NIBAN1: variants seen among roughly 807,000 people sequenced by gnomAD.
NIBAN1 encodes protein Niban 1.
In NIBAN1, 81 loss-of-function variants were observed where a neutral mutation model predicts 75.1. The observed-to-expected ratio is 1.08, with a 90% confidence interval of 0.90 to 1.30. The LOEUF (loss-of-function observed/expected upper bound fraction) is 1.30. NIBAN1 is among the 50% of genes most tolerant of loss of function. NIBAN1 has a pLI of 0.00. For synonymous variants in NIBAN1, 436 were observed against 424.8 expected (o/e 1.03, Z -0.32); for missense variants, 1,133 against 1,128.1 (o/e 1.00, Z -0.06).
intron 1 of NIBAN1, among the ~76,000 whole-genome samples, chr1:184,913,137 G>GTATATATATATATATGA (rs1553227231): frequency 1.3e-4 from 14 of 109,744 alleles, no homozygotes; most frequent in South Asian, 3.1e-4. Context: ...TATCATGCAG[G>GTATATATATATATATGA]TATATATATA....
intron 8 of NIBAN1, among the ~76,000 whole-genome samples, chr1:184,819,467 G>A (rs1654632186): frequency 6.6e-6 from 1 of 152,166 alleles, no homozygotes; most frequent in South Asian, 2.1e-4. Context: ...ATGAAAAAAT[G>A]CCACTATAAT....
chr1:184,872,565 G>A (rs1656139226), intron 5 of NIBAN1, among the ~76,000 whole-genome samples: 1 of 152,078 alleles, frequency 6.6e-6, no homozygotes, highest in Admixed American at 6.5e-5. Context: ...AAATTAGCTG[G>A]GCATGGTGGT....
intron 1 of NIBAN1, among the ~76,000 whole-genome samples, chr1:184,931,772 C>A (rs1657831264): frequency 6.6e-6 from 1 of 152,148 alleles, no homozygotes; most frequent in East Asian, 1.9e-4. Context: ...AGAAGAAAGG[C>A]AGGAAATGTC....
chr1:184,885,968 C>T (rs140428193), intron 4 of NIBAN1, among the ~76,000 whole-genome samples: 1 of 152,268 alleles, frequency 6.6e-6, no homozygotes, highest in East Asian at 1.9e-4. Context: ...CGCTAAGCAT[C>T]GGTGCCTGCC....
intron 1 of NIBAN1, among the ~76,000 whole-genome samples, chr1:184,920,823 A>G (rs573393298): frequency 3.3e-5 from 5 of 152,314 alleles, no homozygotes; most frequent in Admixed American, 3.3e-4. Flanking sequence ...ATATTTTAAA[A>G]TGAATGCAAC....
At chr1:184,951,097 G>A (rs988261538) in intron 1 of NIBAN1, among the ~76,000 whole-genome samples, 5 of 152,306 alleles carry the variant, frequency 3.3e-5, no homozygotes, top group Middle Eastern at 3.4e-3. Context: ...GCTATGTAGT[G>A]AGTGACATTG....
At chr1:184,860,557 A>G (rs1655790586) in intron 5 of NIBAN1, among the ~76,000 whole-genome samples, 1 of 152,126 alleles carries the variant, frequency 6.6e-6, no homozygotes, top group Non-Finnish European at 1.5e-5. Context: ...AAATCCTAAC[A>G]GTGTATATAT....
rs774255057 is a variant in NIBAN1, at chr1:184,795,782, T to C, written c.1982A>G (p.Asp661Gly). The C allele has an allele frequency of 1.9e-6, 3 of 1,611,366 alleles. No homozygotes were observed. Among genetic ancestry groups the C allele is most frequent in the Non-Finnish European group, 2.5e-6 (3 of 1,178,466 alleles). Residue 661 changes from aspartate (D) to glycine (G), a missense_variant, in exon 14 of 14, where the codon GAT (aspartate) becomes GGT (glycine). Asp to Gly is a moderately conservative substitution (Grantham distance 94). Coordinates refer to ENST00000367511, the MANE Select transcript of NIBAN1 (RefSeq NM_052966.4). ...GTEQVIISRV[D>G]DPVVNPVATE... ...TGCCACAGGATTCACCACGGGGTCA[T>C]CCACTCTTGAAATAATCACCTGCTC...
At chr1:184,972,604 A>G (rs559421713) in intron 1 of NIBAN1, among the ~76,000 whole-genome samples, 4 of 152,362 alleles carry the variant, frequency 2.6e-5, no homozygotes, top group Middle Eastern at 3.4e-3. Context: ...GAGAAAGCTG[A>G]ACAAGACTGG....
chr1:184,949,230 C>T (rs903340269), intron 1 of NIBAN1, among the ~76,000 whole-genome samples: 13 of 152,208 alleles, frequency 8.5e-5, no homozygotes, highest in Middle Eastern at 6.8e-3. Context: ...TGGTGGCGGG[C>T]GCCTATAGTC....
At chr1:184,869,058 C>T (rs141031814) in intron 5 of NIBAN1, among the ~76,000 whole-genome samples, 54 of 152,208 alleles carry the variant, frequency 3.5e-4, no homozygotes, top group Middle Eastern at 3.4e-3. Flanking sequence ...GTCAGAAATG[C>T]AAATTCTTAG....
At chr1:184,820,016 C>A (rs114026804) in intron 8 of NIBAN1, among the ~76,000 whole-genome samples, 2,132 of 152,224 alleles carry the variant, frequency 0.014, 26 homozygotes, top group Middle Eastern at 0.02. Context: ...ATTAATATTA[C>A]AAATCACTCA....
intron 1 of NIBAN1, among the ~76,000 whole-genome samples, chr1:184,973,840 C>G (rs926794844): frequency 2.6e-5 from 4 of 152,246 alleles, no homozygotes; most frequent in African/African-American, 9.6e-5. Flanking sequence ...CGGCCAACGC[C>G]GCGCTTTCCA....
chr1:184,860,293 C>T (rs143304128), intron 5 of NIBAN1, among the ~76,000 whole-genome samples: 22 of 150,290 alleles, frequency 1.5e-4, no homozygotes, highest in Non-Finnish European at 2.7e-4. Flanking sequence ...GCCAGGGAGA[C>T]GGGGGCAGAT....
At chr1:184,956,015 T>G (rs1658481533) in intron 1 of NIBAN1, among the ~76,000 whole-genome samples, 1 of 99,130 alleles carries the variant, frequency 1.0e-5, no homozygotes, top group Non-Finnish European at 2.1e-5. Flanking sequence ...GGTCAGGGAT[T>G]ATTTTTTCTT....
At chr1:184,951,171 T>C (rs1241618700) in intron 1 of NIBAN1, among the ~76,000 whole-genome samples, 1 of 152,224 alleles carries the variant, frequency 6.6e-6, no homozygotes, top group Non-Finnish European at 1.5e-5. Flanking sequence ...CTGTGTGGCC[T>C]TTGCCACAGT....
rs564020128 is a variant in NIBAN1 at position 184,801,208 on chromosome 1, T to C, written c.1554+2377A>G. Among the ~76,000 whole-genome samples, 5 of 152,236 alleles carry C rather than the reference T, an allele frequency of 3.3e-5. No individual in the cohort carries two copies. In the South Asian group the frequency reaches 1.0e-3, roughly 32 times the overall value. Reference sequence around the variant, plus strand: ...ACAGCAGGTGATCAGAAGCACCACCTCAGACAACTCTCAGTGCTGGGACTT... The same window carrying C: ...ACAGCAGGTGATCAGAAGCACCACCCCAGACAACTCTCAGTGCTGGGACTT... On this transcript the variant is annotated intron_variant, in intron 12 of 13. Transcript: ENST00000367511.
chr1:184,799,164 G>A (rs1000475588), intron 12 of NIBAN1, among the ~76,000 whole-genome samples: 1 of 151,812 alleles, frequency 6.6e-6, no homozygotes, highest in Non-Finnish European at 1.5e-5. Flanking sequence ...CTAGCATTAG[G>A]TATATCTCCC....
At chr1:184,965,641 A>T (rs962908411) in intron 1 of NIBAN1, among the ~76,000 whole-genome samples, 1 of 152,312 alleles carries the variant, frequency 6.6e-6, no homozygotes, top group Non-Finnish European at 1.5e-5. Context: ...ACTGAGCCCT[A>T]TCAGAGGGTG....
Sources: allele counts gnomAD v4.1 joint callset (sites outside exome capture counted in the v4.1 genomes callset), GRCh38; gene constraint gnomAD v4.1.1; transcripts MANE v1.5; gene names NCBI Gene and HGNC (gene_info 2026-07-23, HGNC 2026-07-21).